PANX1: variants seen among roughly 807,000 people sequenced by gnomAD.
PANX1 encodes pannexin 1.
A neutral mutation model predicts 38.7 loss-of-function variants in PANX1; 30 were observed. That is an observed-to-expected ratio of 0.78 (90% CI 0.58 to 1.05). The LOEUF (loss-of-function observed/expected upper bound fraction) is 1.05, where lower values mean the gene tolerates loss of function less well. Ranked by LOEUF, PANX1 falls within the 50% of genes least tolerant of loss-of-function variation. PANX1 has a pLI of 0.00. For missense variants in PANX1, 551 were observed against 517.2 expected (o/e 1.07, Z -0.63); for synonymous variants, 230 against 212.2 (o/e 1.08, Z -0.73).
At chr11:94,160,963 T>G (rs1947024211) in intron 2 of PANX1, among the ~76,000 whole-genome samples, 1 of 152,214 alleles carries the variant, frequency 6.6e-6, no homozygotes, top group African/African-American at 2.4e-5. Flanking sequence ...GTAAAGGATT[T>G]TATTTCTCCT....
chr11:94,172,991 ATC>A (rs1947186140), intron 2 of PANX1, among the ~76,000 whole-genome samples: 1 of 151,742 alleles, frequency 6.6e-6, no homozygotes, highest in Non-Finnish European at 1.5e-5. Flanking sequence ...AAGCCATGCC[ATC>A]TGTATTTTCT....
rs563860768 is a variant in PANX1 at position 94,129,156 on chromosome 11, C to T, written c.-157C>T. 2.2e-4 allele frequency: 125 copies of T among 564,310 alleles called. 2 individuals carry two copies. In the South Asian group the frequency reaches 2.2e-3, roughly 10 times the overall value. The allele number at this position is 564,310 out of a possible 1,614,324, so 35.0% of individuals were successfully genotyped here. On this transcript the variant is annotated 5_prime_UTR_variant, in exon 1 of 5. Transcript: ENST00000227638. The stretch of plus-strand genomic sequence containing the variant: ...GAGAGCCCAGCGGAGTCGCTGGGAG[C>T]CTGAGGCACCGAGACACAAAGGCAG...
chr11:94,174,617 AATCTTGGGGC>A (rs1947209314), intron 2 of PANX1, among the ~76,000 whole-genome samples: 3 of 151,628 alleles, frequency 2.0e-5, no homozygotes, highest in Non-Finnish European at 4.4e-5. Flanking sequence ...TGTCCTGTGT[AATCTTGGGGC>A]AGACTCTGTG....
intron 2 of PANX1, among the ~76,000 whole-genome samples, chr11:94,160,485 T>G (rs574765332): frequency 6.0e-4 from 91 of 152,324 alleles, no homozygotes; most frequent in Non-Finnish European, 7.1e-4. Flanking sequence ...TGTAATGGCC[T>G]TCTTTGTCTC....
At chr11:94,141,067 C>T (rs972661028) in intron 1 of PANX1, among the ~76,000 whole-genome samples, 31 of 152,168 alleles carry the variant, frequency 2.0e-4, no homozygotes, top group Non-Finnish European at 4.1e-4. Flanking sequence ...TAAGTAACAA[C>T]GTAGTATCGT....
At chr11:94,144,623 G>C (rs546965948) in intron 1 of PANX1, among the ~76,000 whole-genome samples, 1 of 152,140 alleles carries the variant, frequency 6.6e-6, no homozygotes, top group Non-Finnish European at 1.5e-5. Context: ...TTTCTGGGGA[G>C]ATTGGTGCTG....
chr11:94,163,192 CATA>C (rs1240339836), intron 2 of PANX1, among the ~76,000 whole-genome samples: 20 of 152,242 alleles, frequency 1.3e-4, no homozygotes, highest in African/African-American at 4.8e-4. Context: ...TTTATGGTTA[CATA>C]ATATTTGTAC....
intron 2 of PANX1, among the ~76,000 whole-genome samples, chr11:94,161,739 T>C (rs1018121303): frequency 6.6e-6 from 1 of 152,216 alleles, no homozygotes; most frequent in Non-Finnish European, 1.5e-5. Flanking sequence ...TCATTCTCCG[T>C]CCAGATTTCT....
At chr11:94,156,183 GGTTATAGGACCA>G (rs1242159299) in intron 2 of PANX1, among the ~76,000 whole-genome samples, 2 of 152,156 alleles carry the variant, frequency 1.3e-5, no homozygotes, top group African/African-American at 4.8e-5. Context: ...CTAGCCTAAA[GGTTATAGGACCA>G]GTTACTGACC....
chr11:94,180,212 G>A lies in PANX1; in HGVS notation c.1156G>A (p.Ala386Thr), dbSNP rs1390177074. Residue 386 changes from alanine to threonine, a missense_variant, in exon 4 of 5, where the codon GCA (alanine) becomes ACA (threonine). Physicochemically the swap from Ala to Thr is moderately conservative, Grantham distance 58. Coordinates refer to ENST00000227638, the MANE Select transcript of PANX1 (RefSeq NM_015368.4). ...TGTTGATGGCAAAACTCCCATGTCT[G>A]CAGAGATGAGAGAGGAGCAGGGGAA... is the stretch of plus-strand genomic sequence containing the variant. ...DVVDGKTPMS[A>T]EMREEQGNQT... The A allele has an allele frequency of 2.5e-6, 4 of 1,613,016 alleles. No homozygotes were observed. Among genetic ancestry groups the A allele is most frequent in the East Asian group, 2.2e-5 (1 of 44,854 alleles).
chr11:94,168,434 G>A (rs2134513492), intron 2 of PANX1, among the ~76,000 whole-genome samples: 1 of 151,416 alleles, frequency 6.6e-6, no homozygotes, highest in East Asian at 1.9e-4. Context: ...GTGTACAGGA[G>A]AGAATAGAGG....
intron 2 of PANX1, among the ~76,000 whole-genome samples, chr11:94,157,296 C>T (rs1404099273): frequency 6.6e-6 from 1 of 152,106 alleles, no homozygotes; most frequent in Non-Finnish European, 1.5e-5. Flanking sequence ...GTTCTAGATC[C>T]CTGAGGAATC....
intron 2 of PANX1, among the ~76,000 whole-genome samples, chr11:94,162,464 C>CA (rs1479938237): frequency 6.6e-6 from 1 of 152,180 alleles, no homozygotes; most frequent in Non-Finnish European, 1.5e-5. Context: ...AGTTTGATCT[C>CA]GACTGCTGTG....
At chr11:94,136,409 A>G (rs531610207) in intron 1 of PANX1, among the ~76,000 whole-genome samples, 65 of 152,270 alleles carry the variant, frequency 4.3e-4, no homozygotes, top group South Asian at 1.7e-3. Flanking sequence ...CCATAACTTG[A>G]AGTTAGGTAA....
At chr11:94,174,631 C>G (rs888799423) in intron 2 of PANX1, among the ~76,000 whole-genome samples, 1 of 151,606 alleles carries the variant, frequency 6.6e-6, no homozygotes, top group East Asian at 1.9e-4. Flanking sequence ...TTGGGGCAGA[C>G]TCTGTGCCTA....
At chr11:94,155,298 T>C (rs1171522669) in intron 2 of PANX1, among the ~76,000 whole-genome samples, 5 of 148,142 alleles carry the variant, frequency 3.4e-5, no homozygotes, top group African/African-American at 1.3e-4. Flanking sequence ...TGCAGTGAGC[T>C]GACATCGTGC....
At chr11:94,178,865 C>T (rs1265979659) in intron 3 of PANX1, among the ~76,000 whole-genome samples, 2 of 152,066 alleles carry the variant, frequency 1.3e-5, no homozygotes, top group Admixed American at 1.3e-4. Context: ...AAATGCAGTT[C>T]TTGTAGGGGT....
At chr11:94,162,871 C>CTCTTTTTT (rs763128119) in intron 2 of PANX1, among the ~76,000 whole-genome samples, 89 of 107,424 alleles carry the variant, frequency 8.3e-4, no homozygotes, top group African/African-American at 3.5e-3. Flanking sequence ...ACCAACCTCT[C>CTCTTTTTT]TTTTTTTTTT....
chr11:94,129,724 G>A (rs1251530409), intron 1 of PANX1, among the ~76,000 whole-genome samples: 2 of 152,104 alleles, frequency 1.3e-5, no homozygotes, highest in African/African-American at 2.4e-5. Context: ...TGTTCCTCAT[G>A]CCCCTCTGAT....
Sources: allele counts gnomAD v4.1 joint callset (sites outside exome capture counted in the v4.1 genomes callset), GRCh38; gene constraint gnomAD v4.1.1; transcripts MANE v1.5; gene names NCBI Gene and HGNC (gene_info 2026-07-23, HGNC 2026-07-21).